Variants in ABRAXAS1 observed in about 807,000 individuals in gnomAD.
ABRAXAS1 encodes BRCA1-A complex subunit Abraxas 1.
A neutral mutation model predicts 38.4 loss-of-function variants in ABRAXAS1; 26 were observed. The observed-to-expected ratio is 0.68, with a 90% CI of 0.50 to 0.94. The LOEUF (loss-of-function observed/expected upper bound fraction) is 0.94. Ranked by LOEUF, ABRAXAS1 falls within the 40% of genes least tolerant of loss-of-function variation. ABRAXAS1 has a pLI of 0.00. For synonymous variants in ABRAXAS1, 144 were observed against 165.5 expected (o/e 0.87, Z 1.00); for missense variants, 438 against 481.9 (o/e 0.91, Z 0.85).
Position 83,461,577 on chromosome 4 carries a change from C to A in ABRAXAS1, c.*892G>T. 6.8e-6 allele frequency: 2 copies of A among 296,120 alleles called. No individual in the cohort carries two copies. The highest frequency in any genetic ancestry group is 7.0e-5 in the South Asian group (1 of 14,292). 18.3% of individuals were successfully genotyped at this position (296,120 alleles called of 1,614,324 possible). ...ACATTGGGATGGATAGTGGTGCTGT[C>A]ACAGAAGGACAAAATATTCCTAGAC... On this transcript the variant is annotated 3_prime_UTR_variant, in exon 9 of 9. Coordinates refer to ENST00000321945, the MANE Select transcript of ABRAXAS1 (RefSeq NM_139076.3).
intron 6 of ABRAXAS1, 35 bp from the exon 7 acceptor site, chr4:83,467,573 C>T: frequency 1.9e-6 from 2 of 1,034,600 alleles, no homozygotes; most frequent in South Asian, 2.7e-5. Flanking sequence ...GGCAAATACA[C>T]AAAACCATTT....
At chr4:83,477,557 C>T (rs1398020272) in intron 2 of ABRAXAS1, 3 of 476,156 alleles carry the variant, frequency 6.3e-6, no homozygotes, top group Admixed American at 2.4e-5. Context: ...TGAGATGTCT[C>T]GTCTGAACTG....
At chr4:83,466,911 C>T (rs1272440214) in intron 7 of ABRAXAS1, 1 of 152,850 alleles carries the variant, frequency 6.5e-6, no homozygotes, top group Non-Finnish European at 1.5e-5. Flanking sequence ...CAGCCTGGAT[C>T]CTGGATGAAG....
intron 5 of ABRAXAS1, 162 bp from the exon 6 acceptor site, chr4:83,469,313 A>ACT: frequency 1.7e-6 from 1 of 599,996 alleles, no homozygotes; most frequent in African/African-American, 2.1e-5. Flanking sequence ...ACTTGAAACA[A>ACT]CTGTTTTTTT....
intron 2 of ABRAXAS1, chr4:83,477,696 A>C (rs934391641): frequency 1.7e-5 from 10 of 599,812 alleles, no homozygotes; most frequent in Admixed American, 1.5e-4. Context: ...AAAGAAACAA[A>C]ATATAGACGG....
chr4:83,459,686 C>A lies in ABRAXAS1; in HGVS notation c.*2783G>T. 1 of 1,497,304 alleles carries A rather than the reference C, an allele frequency of 6.7e-7. No homozygotes were observed. Among genetic ancestry groups the A allele is most frequent in the South Asian group, 1.2e-5 (1 of 83,278 alleles). 92.8% of individuals were successfully genotyped at this position (1,497,304 alleles called of 1,614,324 possible). ...GGTTGTTTTTTGAAATTTACACATT[C>A]AGAAATAAATAACAGATACTTTTTT... On this transcript the variant is annotated 3_prime_UTR_variant, in exon 9 of 9. Transcript: ENST00000321945.
intron 4 of ABRAXAS1, among the ~76,000 whole-genome samples, chr4:83,471,799 G>A (rs1044722790): frequency 3.3e-5 from 5 of 152,016 alleles, no homozygotes; most frequent in East Asian, 1.9e-4. Context: ...GAACCCAGGA[G>A]GTGCACGATG....
chr4:83,462,373 A>G lies in ABRAXAS1; in HGVS notation c.*96T>C. The G allele has an allele frequency of 9.3e-7, 1 of 1,069,672 alleles. No individual in the cohort carries two copies. The highest frequency in any genetic ancestry group is 1.4e-6 in the Non-Finnish European group (1 of 733,048). 66.3% of individuals were successfully genotyped at this position (1,069,672 alleles called of 1,614,324 possible). ...CAGGTGAACATAGTAAAAACAAATG[A>G]ACTTACTGCAAGTAGCTCAACATAG... is the stretch of plus-strand genomic sequence containing the variant. On this transcript the variant is annotated 3_prime_UTR_variant, in exon 9 of 9. Transcript: ENST00000321945.
chr4:83,466,248 T>A (rs144296250), intron 7 of ABRAXAS1, among the ~76,000 whole-genome samples: 18 of 152,344 alleles, frequency 1.2e-4, no homozygotes, highest in Middle Eastern at 3.4e-3. Flanking sequence ...AGGCTCTTCC[T>A]GCCTGTTCTT....
rs753501525 is a variant in ABRAXAS1, at chr4:83,485,100, G to A, written c.-28C>T. On this transcript the variant is annotated 5_prime_UTR_variant, in exon 1 of 9. Transcript: ENST00000321945. The stretch of plus-strand genomic sequence containing the variant: ...TACCGCCGCCTCAGGCTACACAAGA[G>A]GACGAGGGCGGGGCGCGCGGAGGCA... 2.1e-5 allele frequency: 33 copies of A among 1,538,084 alleles called. No homozygotes were observed. In the Middle Eastern group the frequency reaches 5.2e-4, roughly 24 times the overall value.
At chr4:83,477,438 G>A (rs1722817784) in intron 2 of ABRAXAS1, 1 of 225,456 alleles carries the variant, frequency 4.4e-6, no homozygotes, top group Admixed American at 5.1e-5. Flanking sequence ...TAAACTACAG[G>A]GTTTTAATGC....
At chr4:83,470,803 A>G (rs1041262731) in intron 4 of ABRAXAS1, among the ~76,000 whole-genome samples, 2 of 152,250 alleles carry the variant, frequency 1.3e-5, no homozygotes, top group Non-Finnish European at 2.9e-5. Flanking sequence ...GGTTTGTTAA[A>G]TAAGTTAAGC....
intron 1 of ABRAXAS1, 97 bp downstream of exon 1, chr4:83,484,889 G>C (rs959757524): frequency 9.7e-7 from 1 of 1,028,012 alleles, no homozygotes; most frequent in Admixed American, 3.2e-5. Context: ...CGGCGGCGTC[G>C]GGGGAGCGGG....
chr4:83,461,200 T>C lies in ABRAXAS1; in HGVS notation c.*1269A>G, dbSNP rs1457506741. On this transcript the variant is annotated 3_prime_UTR_variant, in exon 9 of 9. Transcript: ENST00000321945. Reference sequence around the variant, plus strand: ...GTAACATCAGATATCGGGAATAAATTCTATCACGTTACCACTAATAAACTT... The same window carrying C: ...GTAACATCAGATATCGGGAATAAATCCTATCACGTTACCACTAATAAACTT... 29 of 1,610,486 alleles carry C rather than the reference T, an allele frequency of 1.8e-5. No individual in the cohort carries two copies. The highest frequency in any genetic ancestry group is 2.5e-5 in the Non-Finnish European group (29 of 1,178,396).
chr4:83,473,052 G>A (rs1007351131), intron 3 of ABRAXAS1, among the ~76,000 whole-genome samples: 7 of 152,162 alleles, frequency 4.6e-5, no homozygotes, highest in African/African-American at 7.2e-5. Context: ...GCTGAGGGGG[G>A]TGGATGGCTC....
In ABRAXAS1 at chr4:83,470,435, T is replaced by TA. The variant is rs751510689; in HGVS notation, c.283-40dup. ...TAAAAAGGATATACATCTTAATAGTTACAATGATATGTCTTACTATTATAA... is the reference window on the plus strand; with the variant it reads ...TAAAAAGGATATACATCTTAATAGTTAACAATGATATGTCTTACTATTATAA... On this transcript the variant is annotated intron_variant, in intron 4 of 8. Transcript: ENST00000321945. 23 of 1,381,600 alleles carry TA rather than the reference T, an allele frequency of 1.7e-5. 1 individual carries two copies. In the Middle Eastern group the frequency reaches 5.6e-4, roughly 33 times the overall value. The allele number at this position is 1,381,600 out of a possible 1,614,324, so 85.6% of individuals were successfully genotyped here. A position where few individuals can be genotyped will look rare whatever the true frequency, so the allele number is the denominator to read the frequency against.
In ABRAXAS1 at chr4:83,470,212, G is replaced by C; in HGVS notation, c.467C>G (p.Pro156Arg). 1 of 1,609,704 alleles carries C rather than the reference G, an allele frequency of 6.2e-7. No individual in the cohort carries two copies. ...ACTGGCCAACATTTACCCTTTTTGAGGTTTATATAAGGAATGTTCCAGTCG... is the reference window on the plus strand; with the variant it reads ...ACTGGCCAACATTTACCCTTTTTGACGTTTATATAAGGAATGTTCCAGTCG... Reference protein sequence around the residue: ...THRLEHSLYKPQKGLFHRVPL... With the variant: ...THRLEHSLYKRQKGLFHRVPL... Residue 156 changes from proline to arginine, a missense_variant, in exon 5 of 9, where the codon CCT becomes CGT. By Grantham distance (103) the Pro-to-Arg change is moderately radical (BLOSUM62 -2). Around this residue, in one of 3 missense-constraint regions of ABRAXAS1, gnomAD observed 194 missense variants for 269.0 expected, o/e 0.72. Transcript: ENST00000321945.
At chr4:83,471,015 T>C (rs1484437561) in intron 4 of ABRAXAS1, among the ~76,000 whole-genome samples, 2 of 152,144 alleles carry the variant, frequency 1.3e-5, no homozygotes, top group African/African-American at 4.8e-5. Context: ...TCACTTTGCT[T>C]AGAGATCTGT....
chr4:83,480,535 A>G (rs910401526), intron 2 of ABRAXAS1, among the ~76,000 whole-genome samples: 14 of 152,190 alleles, frequency 9.2e-5, no homozygotes, highest in African/African-American at 3.4e-4. Context: ...ATATATTTCT[A>G]TTTTTAAACT....
Sources: gnomAD v4.1 joint callset for allele counts (sites outside exome capture counted in the v4.1 genomes callset) on GRCh38, gnomAD v4.1.1 for gene constraint, gnomAD v4.1.1 regional missense constraint, MANE v1.5 for transcripts, NCBI Gene and HGNC (gene_info 2026-07-23, HGNC 2026-07-21) for gene names.